Variants in PCDH15 observed in about 807,000 individuals in gnomAD.
The protein encoded by PCDH15 is protocadherin-15.
In PCDH15, 129 loss-of-function variants were observed where a neutral mutation model predicts 178.5. The observed-to-expected ratio is 0.72, with a 90% CI of 0.63 to 0.84. The LOEUF (loss-of-function observed/expected upper bound fraction) is 0.84. Ranked by LOEUF, PCDH15 falls within the 40% of genes least tolerant of loss-of-function variation. The pLI, the probability that PCDH15 is intolerant of heterozygous loss-of-function variation, is 0.00. For synonymous variants in PCDH15, 800 were observed against 732.0 expected (o/e 1.09, Z -1.50); for missense variants, 2,230 against 2,099.9 (o/e 1.06, Z -1.21).
intron 7 of PCDH15, among the ~76,000 whole-genome samples, chr10:54,327,919 C>A (rs1938525349): frequency 1.3e-5 from 2 of 152,020 alleles, no homozygotes; most frequent in South Asian, 4.1e-4. Context: ...TCCCCACTTA[C>A]AACATCCCTA....
intron 3 of PCDH15, among the ~76,000 whole-genome samples, chr10:54,443,895 T>A (rs576871134): frequency 6.6e-6 from 1 of 151,860 alleles, no homozygotes; most frequent in Non-Finnish European, 1.5e-5. Flanking sequence ...GCTAAACTTC[T>A]GCTATATGCT....
chr10:54,092,226 T>G (rs1401900494), intron 15 of PCDH15, among the ~76,000 whole-genome samples: 1 of 152,140 alleles, frequency 6.6e-6, no homozygotes, highest in Admixed American at 6.5e-5. Context: ...TCCCACCAGA[T>G]TTACCTAAAA....
intron 13 of PCDH15, among the ~76,000 whole-genome samples, chr10:54,182,022 A>C (rs1230454346): frequency 6.6e-6 from 1 of 152,078 alleles, no homozygotes; most frequent in Non-Finnish European, 1.5e-5. Flanking sequence ...CAGTGGCGCC[A>C]TCTTGGTTCA....
chr10:54,686,541 T>C (rs1029022317), intron 1 of PCDH15, among the ~76,000 whole-genome samples: 3 of 152,142 alleles, frequency 2.0e-5, no homozygotes, highest in African/African-American at 7.2e-5. Flanking sequence ...CTTTAATGAT[T>C]TGAGTCTTAC....
intron 21 of PCDH15, among the ~76,000 whole-genome samples, chr10:53,985,108 A>C (rs1324632683): frequency 1.3e-5 from 2 of 152,186 alleles, no homozygotes; most frequent in South Asian, 4.1e-4. Context: ...CAGACCCATA[A>C]ATAAAAATAT....
At chr10:54,447,623 T>C (rs1274888633) in intron 3 of PCDH15, among the ~76,000 whole-genome samples, 1 of 151,580 alleles carries the variant, frequency 6.6e-6, no homozygotes, top group Non-Finnish European at 1.5e-5. Context: ...TAATCAAAGC[T>C]TACTGGACAA....
intron 13 of PCDH15, among the ~76,000 whole-genome samples, chr10:54,177,608 AG>A: frequency 6.6e-6 from 1 of 152,278 alleles, no homozygotes; most frequent in East Asian, 1.9e-4. Flanking sequence ...TTAACAAAAA[AG>A]ATGAAATGAT....
intron 13 of PCDH15, among the ~76,000 whole-genome samples, chr10:54,153,878 G>A (rs140856739): frequency 1.2e-3 from 190 of 152,244 alleles, no homozygotes; most frequent in African/African-American, 4.5e-3. Flanking sequence ...ATAAGTCGTA[G>A]AGTATTAATG....
chr10:53,912,189 C>T (rs569823000), intron 25 of PCDH15, among the ~76,000 whole-genome samples: 23 of 152,270 alleles, frequency 1.5e-4, no homozygotes, highest in Non-Finnish European at 2.5e-4. Context: ...GAAACAACAA[C>T]AAAAACCACA....
chr10:54,300,816 G>A (rs905802035), intron 8 of PCDH15, among the ~76,000 whole-genome samples: 3 of 152,158 alleles, frequency 2.0e-5, no homozygotes, highest in Admixed American at 6.5e-5. Context: ...ACTAATCAGC[G>A]CTCTGTAAAA....
chr10:53,833,310 T>C (rs920446973), intron 29 of PCDH15, among the ~76,000 whole-genome samples: 1 of 152,100 alleles, frequency 6.6e-6, no homozygotes, highest in African/African-American at 2.4e-5. Context: ...CTTTTTACAC[T>C]GCAAGAGCCC....
intron 3 of PCDH15, among the ~76,000 whole-genome samples, chr10:54,817,768 C>G (rs1439270897): frequency 1.3e-5 from 2 of 151,984 alleles, no homozygotes. Flanking sequence ...TCATACATGT[C>G]AATGCTAAAT....
intron 10 of PCDH15, 74 bp downstream of exon 10, chr10:54,213,862 C>A: frequency 1.0e-6 from 1 of 967,832 alleles, no homozygotes; most frequent in South Asian, 1.3e-5. Flanking sequence ...ATAAAACTGC[C>A]TACAGTAGCG....
At chr10:54,225,428 T>C (rs713274) in intron 9 of PCDH15, among the ~76,000 whole-genome samples, 8,306 of 152,284 alleles carry the variant, frequency 0.055, 563 homozygotes, top group African/African-American at 0.17. Flanking sequence ...TCTACACATT[T>C]TCCAAGTGAT....
chr10:54,388,600 C>T (rs909990571), intron 3 of PCDH15, among the ~76,000 whole-genome samples: 2 of 152,172 alleles, frequency 1.3e-5, no homozygotes, highest in African/African-American at 4.8e-5. Flanking sequence ...TTCTATCCCA[C>T]CATCTTCTTC....
At chr10:55,392,790 G>A (rs898505755) in intron 2 of PCDH15, among the ~76,000 whole-genome samples, 2 of 151,786 alleles carry the variant, frequency 1.3e-5, no homozygotes, top group Non-Finnish European at 2.9e-5. Context: ...TTTGTAGAAG[G>A]CATTTGCAAA....
At chr10:54,892,589 T>G (rs188200186) in intron 3 of PCDH15, among the ~76,000 whole-genome samples, 1 of 151,264 alleles carries the variant, frequency 6.6e-6, no homozygotes, top group Non-Finnish European at 1.5e-5. Context: ...TTAGGGAAAT[T>G]AATGAAAAAA....
At chr10:54,917,445 C>A (rs544786919) in intron 2 of PCDH15, among the ~76,000 whole-genome samples, 2 of 152,142 alleles carry the variant, frequency 1.3e-5, no homozygotes, top group African/African-American at 4.8e-5. Flanking sequence ...TTCCTTACCA[C>A]CAGTATTGTG....
intron 2 of PCDH15, among the ~76,000 whole-genome samples, chr10:55,515,999 A>G (rs913354941): frequency 6.6e-6 from 1 of 152,136 alleles, no homozygotes; most frequent in African/African-American, 2.4e-5. Flanking sequence ...CCTGGAAAGT[A>G]TGCTTTTTAA....
Sources: allele counts gnomAD v4.1 joint callset (sites outside exome capture counted in the v4.1 genomes callset), GRCh38; gene constraint gnomAD v4.1.1; transcripts MANE v1.5; gene names NCBI Gene and HGNC (gene_info 2026-07-23, HGNC 2026-07-21).